EFL1: variants seen among roughly 807,000 people sequenced by gnomAD.
The protein encoded by EFL1 is elongation factor-like GTPase 1.
Under a neutral mutation model 126.7 loss-of-function variants are expected in EFL1, and 76 were observed. The ratio of observed to expected loss-of-function variants is 0.60; its 90% CI spans 0.50 to 0.73. The LOEUF is 0.73. Among genes scored for constraint, EFL1 ranks in the 30% least tolerant of loss-of-function variants. The pLI, the probability that EFL1 is intolerant of heterozygous loss-of-function variation, is 0.00. For synonymous variants in EFL1, 410 were observed against 448.4 expected (o/e 0.91, Z 1.08); for missense variants, 1,128 against 1,343.2 (o/e 0.84, Z 2.50).
intron 6 of EFL1, among the ~76,000 whole-genome samples, chr15:82,239,019 C>CT (rs1479049845): frequency 1.3e-5 from 2 of 152,176 alleles, no homozygotes; most frequent in Non-Finnish European, 2.9e-5. Context: ...AAAATGGAAC[C>CT]TATTACTCAG....
At chr15:82,152,872 A>G (rs943314465) in intron 17 of EFL1, among the ~76,000 whole-genome samples, 1 of 152,210 alleles carries the variant, frequency 6.6e-6, no homozygotes, top group Non-Finnish European at 1.5e-5. Flanking sequence ...AAATCTTCAC[A>G]ATGTATTTGG....
chr15:82,158,959 G>A (rs571772968), intron 16 of EFL1, among the ~76,000 whole-genome samples: 1 of 152,336 alleles, frequency 6.6e-6, no homozygotes, highest in East Asian at 1.9e-4. Flanking sequence ...CTAAGTGGCA[G>A]AACCTGGTTT....
chr15:82,149,516 A>C (rs1000225332), intron 18 of EFL1, among the ~76,000 whole-genome samples: 1 of 152,226 alleles, frequency 6.6e-6, no homozygotes, highest in Non-Finnish European at 1.5e-5. Context: ...AACAGTGTAG[A>C]CACAGACATG....
At chr15:82,173,006 G>A (rs531848621) in intron 15 of EFL1, among the ~76,000 whole-genome samples, 2 of 152,166 alleles carry the variant, frequency 1.3e-5, no homozygotes, top group East Asian at 3.9e-4. Context: ...ATGAAAAGAA[G>A]GTAGAGTTTG....
At chr15:82,194,042 A>G (rs528938176) in intron 15 of EFL1, among the ~76,000 whole-genome samples, 15 of 152,264 alleles carry the variant, frequency 9.9e-5, no homozygotes, top group African/African-American at 3.6e-4. Flanking sequence ...GTGTAATCTT[A>G]GAGAAAGAAC....
intron 4 of EFL1, among the ~76,000 whole-genome samples, chr15:82,246,572 T>C (rs1471454460): frequency 6.6e-6 from 1 of 151,484 alleles, no homozygotes; most frequent in Admixed American, 6.6e-5. Flanking sequence ...TGTATTTTTT[T>C]AAGACAAGAA....
chr15:82,169,385 T>C (rs2074110625), intron 15 of EFL1, among the ~76,000 whole-genome samples: 1 of 152,008 alleles, frequency 6.6e-6, no homozygotes, highest in African/African-American at 2.4e-5. Flanking sequence ...GATCCTTTCT[T>C]GGAGCATAAA....
Position 82,240,553 on chromosome 15 carries a change from T to A in EFL1, c.381A>T (p.Thr127=), listed in dbSNP as rs2141326798. ...GCCAAGCTTGTCGCAGAACTGCCTG[T>A]GTCTGATAAAAACAGAAAGAAAAAT... ...VDAVEGVCPQ[T]QAVLRQAWLE... Residue 127 remains threonine, a splice_region_variant and synonymous_variant, in exon 6 of 20, where the codon ACA becomes ACT. Coordinates refer to ENST00000268206, the MANE Select transcript of EFL1 (RefSeq NM_024580.6). 1 of 1,609,486 alleles carries A rather than the reference T, an allele frequency of 6.2e-7. No individual in the cohort carries two copies. Among genetic ancestry groups the A allele is most frequent in the East Asian group, 2.2e-5 (1 of 44,874 alleles).
At chr15:82,199,167 T>A (rs185708916) in intron 15 of EFL1, among the ~76,000 whole-genome samples, 3 of 151,974 alleles carry the variant, frequency 2.0e-5, no homozygotes, top group Non-Finnish European at 4.4e-5. Context: ...CAAAAACAGA[T>A]AAAATTAGGG....
chr15:82,147,036 G>A (rs865908351), intron 18 of EFL1, among the ~76,000 whole-genome samples: 24 of 152,054 alleles, frequency 1.6e-4, no homozygotes, highest in Admixed American at 6.6e-5. Context: ...GTGTCCAGGT[G>A]GTGATTTTCT....
chr15:82,174,898 G>A (rs1213993176), intron 15 of EFL1, among the ~76,000 whole-genome samples: 2 of 152,228 alleles, frequency 1.3e-5, no homozygotes, highest in African/African-American at 2.4e-5. Context: ...GGAATTTGGA[G>A]GGTCCTGTAG....
chr15:82,162,007 G>T (rs2074028434), intron 16 of EFL1, among the ~76,000 whole-genome samples: 1 of 152,210 alleles, frequency 6.6e-6, no homozygotes, highest in Non-Finnish European at 1.5e-5. Flanking sequence ...GCCAGGCACA[G>T]TGGCTCACAC....
intron 16 of EFL1, 43 bp from the exon 17 acceptor site, chr15:82,157,903 T>A: frequency 6.4e-7 from 1 of 1,568,584 alleles, no homozygotes; most frequent in South Asian, 1.2e-5. Flanking sequence ...ATATAAGAAC[T>A]AACACAATTC....
At chr15:82,148,697 G>A (rs2073875222) in intron 18 of EFL1, among the ~76,000 whole-genome samples, 1 of 152,090 alleles carries the variant, frequency 6.6e-6, no homozygotes, top group African/African-American at 2.4e-5. Context: ...AAGTCTCCAG[G>A]ACCAGAATTA....
intron 19 of EFL1, 104 bp from the exon 20 acceptor site, chr15:82,130,665 T>A: frequency 8.0e-7 from 1 of 1,249,842 alleles, no homozygotes; most frequent in South Asian, 1.5e-5. Flanking sequence ...TGAAAAAAAG[T>A]TAGGCAATGA....
In EFL1 at chr15:82,138,704, C is replaced by T; in HGVS notation, c.3128G>A (p.Arg1043Lys). The change falls in exon 19 of 20, where the codon AGG becomes AAG. Residue 1043 changes from arginine to lysine, a missense_variant. This residue lies in a region of EFL1 where 561 missense variants were observed against 641.7 expected (regional missense o/e 0.87). Coordinates refer to ENST00000268206, the MANE Select transcript of EFL1 (RefSeq NM_024580.6). The stretch of plus-strand genomic sequence containing the variant: ...TTGTGGGCTGGCCAGGCCACTTGTC[C>T]TCTTCCTGATTTCATCAGCAAAACC... ...SFGFADEIRK[R>K]TSGLASPQLV... 1.9e-6 allele frequency: 3 copies of T among 1,614,016 alleles called. No individual in the cohort carries two copies. The East Asian group carries it at 6.7e-5, about 36-fold the overall frequency.
intron 11 of EFL1, among the ~76,000 whole-genome samples, chr15:82,225,889 G>C (rs986777024): frequency 6.6e-6 from 1 of 151,890 alleles, no homozygotes; most frequent in African/African-American, 2.4e-5. Flanking sequence ...ATTGATTAAT[G>C]AATTTTTTTA....
At chr15:82,225,347 T>C in intron 11 of EFL1, 83 bp from the exon 12 acceptor site, 1 of 1,077,434 alleles carries the variant, frequency 9.3e-7, no homozygotes, top group Non-Finnish European at 1.3e-6. Context: ...ACAATTAAAA[T>C]GTTTAGAACA....
chr15:82,257,681 A>G (rs2075077985), intron 3 of EFL1, among the ~76,000 whole-genome samples: 1 of 152,036 alleles, frequency 6.6e-6, no homozygotes, highest in African/African-American at 2.4e-5. Flanking sequence ...TATTATATCT[A>G]TCTTGTATTA....
Sources: gnomAD v4.1 joint callset for allele counts (sites outside exome capture counted in the v4.1 genomes callset) on GRCh38, gnomAD v4.1.1 for gene constraint, gnomAD v4.1.1 regional missense constraint, MANE v1.5 for transcripts, NCBI Gene and HGNC (gene_info 2026-07-23, HGNC 2026-07-21) for gene names.